The following GMDS variants were observed in gnomAD, a reference collection of about 807,000 sequenced individuals.
GMDS encodes GDP-mannose 4,6 dehydratase.
Under a neutral mutation model 49.9 loss-of-function variants are expected in GMDS, and 20 were observed. The ratio of observed to expected loss-of-function variants is 0.40; its 90% confidence interval spans 0.28 to 0.58. The LOEUF is 0.58. Among genes scored for constraint, GMDS ranks in the 20% least tolerant of loss-of-function variants. The probability of loss-of-function intolerance (pLI) is 0.42; values close to 1 mark genes in which losing one functional copy is unlikely to be tolerated. For missense variants in GMDS, 362 were observed against 481.4 expected (o/e 0.75, Z 2.32); for synonymous variants, 177 against 178.6 (o/e 0.99, Z 0.07).
intron 6 of GMDS, among the ~76,000 whole-genome samples, chr6:1,948,647 G>T (rs1054208338): frequency 1.4e-4 from 21 of 152,228 alleles, no homozygotes; most frequent in African/African-American, 4.8e-4. Context: ...GTACAACACA[G>T]TGAGGCTGTG....
At chr6:1,999,894 G>A (rs1249648474) in intron 4 of GMDS, among the ~76,000 whole-genome samples, 3 of 97,348 alleles carry the variant, frequency 3.1e-5, no homozygotes, top group East Asian at 2.8e-4. Flanking sequence ...GAGACATAAC[G>A]ATATATATAA....
At chr6:2,192,252 A>C (rs1191028918) in intron 1 of GMDS, among the ~76,000 whole-genome samples, 1 of 152,076 alleles carries the variant, frequency 6.6e-6, no homozygotes, top group Non-Finnish European at 1.5e-5. Context: ...CTAGGAGCTG[A>C]ACACTCATCG....
chr6:1,956,555 T>A (rs1763648354), intron 6 of GMDS, among the ~76,000 whole-genome samples: 1 of 152,084 alleles, frequency 6.6e-6, no homozygotes, highest in Non-Finnish European at 1.5e-5. Flanking sequence ...CTCTACAAAT[T>A]CAGCATGGGT....
chr6:1,690,239 A>G (rs1379342661), intron 9 of GMDS, among the ~76,000 whole-genome samples: 1 of 152,116 alleles, frequency 6.6e-6, no homozygotes, highest in Non-Finnish European at 1.5e-5. Context: ...ATTAGATCCC[A>G]TTTGTCAATT....
At position 1,997,844 on chromosome 6, in the gene GMDS, T is replaced by A. The variant is rs189206126; in HGVS notation, c.346-36878A>T. ...CCTCTCTATAAAAACAAGCAGGCTA[T>A]GAAGGGTCAATGAACACTGGAAGAA... On this transcript the variant is annotated intron_variant, in intron 4 of 10. Coordinates refer to ENST00000380815, the MANE Select transcript of GMDS (RefSeq NM_001500.4). 1.4e-3 allele frequency among the ~76,000 whole-genome samples: 209 copies of A among 152,206 alleles called. 1 individual carries two copies. The highest frequency in any genetic ancestry group is 3.1e-3 in the Admixed American group (48 of 15,284).
intron 4 of GMDS, among the ~76,000 whole-genome samples, chr6:2,037,158 T>C (rs1446634281): frequency 6.6e-6 from 1 of 152,044 alleles, no homozygotes; most frequent in Non-Finnish European, 1.5e-5. Flanking sequence ...CACTTGGAGC[T>C]CTCCCGTGAA....
chr6:2,141,954 G>A (rs1432980690), intron 1 of GMDS, among the ~76,000 whole-genome samples: 3 of 147,932 alleles, frequency 2.0e-5, no homozygotes, highest in African/African-American at 7.6e-5. Context: ...CTCCGACCCC[G>A]CTCCTATAGC....
chr6:1,885,010 G>A (rs1759533833), intron 7 of GMDS, among the ~76,000 whole-genome samples: 1 of 152,200 alleles, frequency 6.6e-6, no homozygotes, highest in Non-Finnish European at 1.5e-5. Flanking sequence ...AGTGAAAAAT[G>A]AATGTAGCAC....
At chr6:1,639,717 T>C (rs1763269221) in intron 9 of GMDS, among the ~76,000 whole-genome samples, 1 of 152,138 alleles carries the variant, frequency 6.6e-6, no homozygotes, top group African/African-American at 2.4e-5. Flanking sequence ...TGAAAGCCCA[T>C]CTCTACAAAA....
intron 7 of GMDS, among the ~76,000 whole-genome samples, chr6:1,769,013 C>T (rs1407841756): frequency 6.6e-6 from 1 of 152,158 alleles, no homozygotes; most frequent in African/African-American, 2.4e-5. Context: ...TAACAGCTTA[C>T]TCTGTCTGAT....
chr6:2,093,310 G>A (rs905696138), intron 4 of GMDS, among the ~76,000 whole-genome samples: 1 of 152,044 alleles, frequency 6.6e-6, no homozygotes, highest in Non-Finnish European at 1.5e-5. Flanking sequence ...ACACAAATAA[G>A]TACAAATAAG....
chr6:2,196,770 C>T (rs1779290623), intron 1 of GMDS, among the ~76,000 whole-genome samples: 2 of 152,182 alleles, frequency 1.3e-5, no homozygotes, highest in African/African-American at 4.8e-5. Context: ...AGGAAAGCTG[C>T]AGAACACCAA....
intron 4 of GMDS, among the ~76,000 whole-genome samples, chr6:2,107,818 A>G (rs1474190624): frequency 1.3e-5 from 2 of 152,250 alleles, no homozygotes; most frequent in African/African-American, 4.8e-5. Flanking sequence ...TATAGTATGC[A>G]GGGATATTAG....
rs551965511 is a variant in GMDS, at chr6:2,159,564, G to A, written c.103-34833C>T. Among the ~76,000 whole-genome samples the A allele has an allele frequency of 1.2e-4, 17 of 143,256 alleles. No homozygotes were observed. The South Asian group carries it at 3.8e-3, about 32-fold the overall frequency. 94.0% of individuals were successfully genotyped at this position (143,256 alleles called of 152,430 possible). On this transcript the variant is annotated intron_variant, in intron 1 of 10. Coordinates refer to ENST00000380815, the MANE Select transcript of GMDS (RefSeq NM_001500.4). ...GACAGAGTCTTGCTCTGCCGGCCAG[G>A]CTGGAGTGCAGTGGCATGATCTCGG...
chr6:1,817,768 G>A (rs1193820331), intron 7 of GMDS, among the ~76,000 whole-genome samples: 1 of 152,158 alleles, frequency 6.6e-6, no homozygotes, highest in African/African-American at 2.4e-5. Context: ...CTATTCACGT[G>A]ACCTGACTCT....
At chr6:2,057,666 GCTATAGTAAAA>G (rs1770857836) in intron 4 of GMDS, among the ~76,000 whole-genome samples, 1 of 152,090 alleles carries the variant, frequency 6.6e-6, no homozygotes, top group African/African-American at 2.4e-5. Flanking sequence ...TTAATCATCT[GCTATAGTAAAA>G]TTGAAGAAAT....
intron 4 of GMDS, among the ~76,000 whole-genome samples, chr6:2,004,645 C>CACTG (rs1479621439): frequency 6.6e-6 from 1 of 152,070 alleles, no homozygotes; most frequent in Non-Finnish European, 1.5e-5. Flanking sequence ...TCTGAACTAT[C>CACTG]ACTGAACTTA....
intron 7 of GMDS, among the ~76,000 whole-genome samples, chr6:1,882,765 G>A (rs1020602191): frequency 3.9e-5 from 6 of 152,162 alleles, no homozygotes; most frequent in Non-Finnish European, 8.8e-5. Flanking sequence ...TTGTCTTGAA[G>A]TCATTATCTA....
At chr6:2,233,168 C>T (rs1238471622) in intron 1 of GMDS, among the ~76,000 whole-genome samples, 2 of 152,184 alleles carry the variant, frequency 1.3e-5, no homozygotes, top group African/African-American at 4.8e-5. Context: ...CATCTCTGGC[C>T]TCCCTCAGAT....
Sources: allele counts gnomAD v4.1 joint callset (sites outside exome capture counted in the v4.1 genomes callset), GRCh38; gene constraint gnomAD v4.1.1; transcripts MANE v1.5; gene names NCBI Gene and HGNC (gene_info 2026-07-23, HGNC 2026-07-21).